Variants in CREB5 observed in about 807,000 individuals in gnomAD.
CREB5 encodes cAMP responsive element binding protein 5, also known as cyclic AMP-responsive element-binding protein 5.
A neutral mutation model predicts 57.1 loss-of-function variants in CREB5; 19 were observed. That is an observed-to-expected ratio of 0.33 (90% CI 0.23 to 0.49). The LOEUF (loss-of-function observed/expected upper bound fraction) is 0.49, where lower values mean the gene tolerates loss of function less well. Ranked by LOEUF, CREB5 falls within the 20% of genes least tolerant of loss-of-function variation. CREB5 has a pLI of 0.99. For synonymous variants in CREB5, 238 were observed against 238.3 expected (o/e 1.00, Z 0.01); for missense variants, 579 against 671.6 (o/e 0.86, Z 1.52).
At chr7:28,505,257 C>T (rs217513) in intron 3 of CREB5, among the ~76,000 whole-genome samples, 44,982 of 152,118 alleles carry the variant, frequency 0.3, 7,472 homozygotes, top group Non-Finnish European at 0.36. Context: ...CACCCTTTTA[C>T]TTTCACTCTC....
At chr7:28,579,037 G>T (rs1014007618) in intron 5 of CREB5, among the ~76,000 whole-genome samples, 2 of 152,214 alleles carry the variant, frequency 1.3e-5, no homozygotes, top group Non-Finnish European at 2.9e-5. Flanking sequence ...TCTAGGGATA[G>T]AAAGCCAAGG....
At chr7:28,603,667 T>C (rs999721483) in intron 5 of CREB5, among the ~76,000 whole-genome samples, 6 of 152,176 alleles carry the variant, frequency 3.9e-5, no homozygotes, top group African/African-American at 1.4e-4. Context: ...TTGTCCACAT[T>C]TTGGATTTGA....
chr7:28,560,879 C>CGCGCGTGCGTGTGT (rs1795131480), intron 4 of CREB5, among the ~76,000 whole-genome samples: 1 of 22,060 alleles, frequency 4.5e-5, no homozygotes, highest in Admixed American at 6.2e-4. Context: ...CGTGCGCGTG[C>CGCGCGTGCGTGTGT]GTGCGTGCGT....
chr7:28,420,483 C>G (rs914625540), intron 1 of CREB5, among the ~76,000 whole-genome samples: 1 of 152,134 alleles, frequency 6.6e-6, no homozygotes, highest in South Asian at 2.1e-4. Context: ...TGTGAATATA[C>G]TTAGCACTAC....
intron 4 of CREB5, among the ~76,000 whole-genome samples, chr7:28,516,218 A>T (rs10246628): frequency 0.18 from 26,945 of 151,422 alleles, 2,740 homozygotes; most frequent in African/African-American, 0.27. Flanking sequence ...TATTTTTTTT[A>T]AAAAAAAAGT....
chr7:28,815,730 C>T (rs1042059343), intron 9 of CREB5, among the ~76,000 whole-genome samples: 3 of 152,128 alleles, frequency 2.0e-5, no homozygotes, highest in East Asian at 1.9e-4. Flanking sequence ...TTGCCCAGGA[C>T]ATAGTGGGGG....
intron 5 of CREB5, among the ~76,000 whole-genome samples, chr7:28,601,876 T>C (rs1016762779): frequency 6.6e-6 from 1 of 152,292 alleles, no homozygotes; most frequent in African/African-American, 2.4e-5. Context: ...GTTAGGTTAC[T>C]GAATAAAAAT....
At chr7:28,399,357 CA>C (rs1424097809) in intron 1 of CREB5, among the ~76,000 whole-genome samples, 1 of 144,170 alleles carries the variant, frequency 6.9e-6, no homozygotes, top group African/African-American at 2.6e-5. Flanking sequence ...GCAAAAAGAA[CA>C]AAGCCAGAAA....
At chr7:28,305,497 G>A (rs1408413320) in intron 1 of CREB5, among the ~76,000 whole-genome samples, 1 of 152,128 alleles carries the variant, frequency 6.6e-6, no homozygotes, top group African/African-American at 2.4e-5. Flanking sequence ...CCCCAGTGCT[G>A]TGGAGAAATG....
At chr7:28,358,820 A>G (rs1410610316) in intron 1 of CREB5, among the ~76,000 whole-genome samples, 1 of 152,148 alleles carries the variant, frequency 6.6e-6, no homozygotes, top group African/African-American at 2.4e-5. Context: ...GGGAATATAG[A>G]GCCATCCTGA....
intron 1 of CREB5, among the ~76,000 whole-genome samples, chr7:28,320,494 C>T (rs1241207059): frequency 1.3e-5 from 2 of 152,202 alleles, no homozygotes; most frequent in East Asian, 3.8e-4. Flanking sequence ...CCAGGCTTCC[C>T]TTCCCCTTTG....
intron 5 of CREB5, among the ~76,000 whole-genome samples, chr7:28,595,057 A>T (rs1029072027): frequency 2.0e-5 from 3 of 152,164 alleles, no homozygotes; most frequent in African/African-American, 4.8e-5. Flanking sequence ...CTGAGCCCCC[A>T]CAGTGCAATG....
chr7:28,342,319 T>C (rs971273443), intron 1 of CREB5, among the ~76,000 whole-genome samples: 5 of 152,294 alleles, frequency 3.3e-5, no homozygotes, highest in African/African-American at 1.2e-4. Flanking sequence ...AAGATCAAAG[T>C]GGTACAGAAG....
At chr7:28,567,814 G>A (rs1312969247) in intron 4 of CREB5, among the ~76,000 whole-genome samples, 1 of 152,194 alleles carries the variant, frequency 6.6e-6, no homozygotes, top group African/African-American at 2.4e-5. Flanking sequence ...TAGAGCAAGA[G>A]TGGAGGTGGT....
At chr7:28,638,433 C>A (rs1798515710) in intron 5 of CREB5, among the ~76,000 whole-genome samples, 1 of 151,650 alleles carries the variant, frequency 6.6e-6, no homozygotes, top group Non-Finnish European at 1.5e-5. Flanking sequence ...CCAACCTCAA[C>A]CTCTCCGGAC....
chr7:28,396,392 C>T (rs1363815581), intron 1 of CREB5, among the ~76,000 whole-genome samples: 1 of 152,094 alleles, frequency 6.6e-6, no homozygotes, highest in Non-Finnish European at 1.5e-5. Context: ...GGTATTTTTG[C>T]ACCTGTTGGG....
chr7:28,511,236 T>C (rs754712817), intron 4 of CREB5, among the ~76,000 whole-genome samples: 1 of 151,654 alleles, frequency 6.6e-6, no homozygotes, highest in Non-Finnish European at 1.5e-5. Context: ...GGTTAGTAGA[T>C]GTGCAAGCAG....
At chr7:28,479,996 A>C in intron 1 of CREB5, among the ~76,000 whole-genome samples, 1 of 142,316 alleles carries the variant, frequency 7.0e-6, no homozygotes. Flanking sequence ...GAAGATATAG[A>C]TACTTATCTA....
chr7:28,728,124 G>A (rs1043201995), intron 7 of CREB5, among the ~76,000 whole-genome samples: 21 of 151,938 alleles, frequency 1.4e-4, no homozygotes, highest in African/African-American at 2.9e-4. Flanking sequence ...TATTTTTGTC[G>A]AGACAGGATC....
Sources: allele counts gnomAD v4.1 joint callset (sites outside exome capture counted in the v4.1 genomes callset), GRCh38; gene constraint gnomAD v4.1.1; transcripts MANE v1.5; gene names NCBI Gene and HGNC (gene_info 2026-07-23, HGNC 2026-07-21).